The following SHISA6 variants were observed in gnomAD, a reference collection of about 807,000 sequenced individuals.
SHISA6 encodes the protein shisa family member 6, also known as protein shisa-6.
Under a neutral mutation model 47.9 loss-of-function variants are expected in SHISA6, and 22 were observed. The observed-to-expected ratio is 0.46, with a 90% CI of 0.33 to 0.66. SHISA6 has a LOEUF of 0.66. SHISA6 is among the 30% of genes least tolerant of loss of function. The pLI is 0.02. For missense variants in SHISA6, 680 were observed against 764.6 expected (o/e 0.89, Z 1.30); for synonymous variants, 388 against 337.8 (o/e 1.15, Z -1.63).
chr17:11,459,080 G>A (rs1293387812), intron 3 of SHISA6, among the ~76,000 whole-genome samples: 3 of 151,644 alleles, frequency 2.0e-5, no homozygotes, highest in Admixed American at 6.6e-5. Context: ...TTAGCTGGGC[G>A]TGGTGGCAGG....
chr17:11,266,503 T>C (rs1908428411), intron 2 of SHISA6, among the ~76,000 whole-genome samples: 1 of 152,242 alleles, frequency 6.6e-6, no homozygotes, highest in African/African-American at 2.4e-5. Flanking sequence ...TTTTTGGCCC[T>C]GTCTCTTACT....
At chr17:11,262,044 A>G (rs993855979) in intron 1 of SHISA6, among the ~76,000 whole-genome samples, 1 of 152,170 alleles carries the variant, frequency 6.6e-6, no homozygotes, top group Admixed American at 6.5e-5. Flanking sequence ...AGTGTGATTT[A>G]CAGTTTTGGG....
At chr17:11,248,380 G>A (rs914762514) in intron 1 of SHISA6, among the ~76,000 whole-genome samples, 7 of 152,162 alleles carry the variant, frequency 4.6e-5, no homozygotes, top group African/African-American at 1.4e-4. Flanking sequence ...GAAATTCAGA[G>A]AGGCTAGGTC....
chr17:11,247,060 T>A (rs1907620653), intron 1 of SHISA6, among the ~76,000 whole-genome samples: 3 of 152,180 alleles, frequency 2.0e-5, no homozygotes, highest in African/African-American at 4.8e-5. Flanking sequence ...GTACCAAGTT[T>A]ACCCACTGTT....
chr17:11,397,667 T>C (rs1913620188), intron 3 of SHISA6, among the ~76,000 whole-genome samples: 1 of 149,888 alleles, frequency 6.7e-6, no homozygotes. Context: ...CCTTGCTTTC[T>C]ATGTTACTTT....
At chr17:11,277,270 TCTCTCTCTCTCACACACACA>T (rs775297986) in intron 2 of SHISA6, among the ~76,000 whole-genome samples, 20 of 113,984 alleles carry the variant, frequency 1.8e-4, no homozygotes, top group African/African-American at 3.0e-4. Flanking sequence ...TCTCTCTCTC[TCTCTCTCTCTCACACACACA>T]CACACACACA....
At chr17:11,287,816 A>G (rs554689738) in intron 2 of SHISA6, among the ~76,000 whole-genome samples, 5 of 148,956 alleles carry the variant, frequency 3.4e-5, no homozygotes, top group Non-Finnish European at 4.5e-5. Context: ...TATCACAAAT[A>G]TATTTACATA....
chr17:11,381,851 C>T (rs376312415), intron 3 of SHISA6, among the ~76,000 whole-genome samples: 3 of 152,168 alleles, frequency 2.0e-5, no homozygotes, highest in Admixed American at 6.5e-5. Flanking sequence ...CCCTCCTGTG[C>T]GTGCATTGCT....
intron 2 of SHISA6, among the ~76,000 whole-genome samples, chr17:11,267,414 G>T (rs1420267220): frequency 6.6e-6 from 1 of 152,122 alleles, no homozygotes; most frequent in Non-Finnish European, 1.5e-5. Context: ...AGTTGAAGAA[G>T]ACCTCTCTTA....
chr17:11,340,772 C>G (rs1040886648), intron 2 of SHISA6, among the ~76,000 whole-genome samples: 3 of 152,228 alleles, frequency 2.0e-5, no homozygotes, highest in African/African-American at 7.2e-5. Context: ...AGGCTGGGAT[C>G]ACAGACAGTT....
intron 3 of SHISA6, among the ~76,000 whole-genome samples, chr17:11,396,846 C>A (rs1027451421): frequency 1.3e-5 from 2 of 152,056 alleles, no homozygotes; most frequent in African/African-American, 4.8e-5. Context: ...CAACCTGGCA[C>A]GTGGATACCT....
intron 3 of SHISA6, among the ~76,000 whole-genome samples, chr17:11,532,128 A>T (rs1463352824): frequency 6.6e-6 from 1 of 152,188 alleles, no homozygotes; most frequent in Non-Finnish European, 1.5e-5. Context: ...GAGAAAATTG[A>T]AGCAGGAGAA....
At chr17:11,297,097 G>C (rs1909778275) in intron 2 of SHISA6, among the ~76,000 whole-genome samples, 1 of 152,054 alleles carries the variant, frequency 6.6e-6, no homozygotes, top group Non-Finnish European at 1.5e-5. Flanking sequence ...GTTTTGCTTG[G>C]AAAAGGAGTA....
intron 3 of SHISA6, among the ~76,000 whole-genome samples, chr17:11,545,893 A>G (rs2071879214): frequency 1.3e-5 from 2 of 152,202 alleles, no homozygotes; most frequent in African/African-American, 4.8e-5. Context: ...GCCAAAAGAA[A>G]GAGAGCCAGG....
chr17:11,501,128 T>TC lies in SHISA6; in HGVS notation c.896-50768_896-50767insC, dbSNP rs548960686. Among the ~76,000 whole-genome samples the TC allele has an allele frequency of 3.7e-4, 57 of 152,158 alleles. 2 individuals are homozygous for TC. In the South Asian group the frequency reaches 0.011, roughly 30 times the overall value. The stretch of plus-strand genomic sequence containing the variant: ...TGCTTCCAACACATTTTTTTTTTTT[T>TC]TGAGATGGAGTTTTGCTCTTGTTGC... On this transcript the variant is annotated intron_variant, in intron 3 of 5. Coordinates refer to ENST00000441885, the MANE Select transcript of SHISA6 (RefSeq NM_207386.4).
intron 2 of SHISA6, among the ~76,000 whole-genome samples, chr17:11,270,732 G>A (rs549790310): frequency 6.6e-6 from 1 of 152,312 alleles, no homozygotes; most frequent in Non-Finnish European, 1.5e-5. Context: ...GGTTTGGCCT[G>A]TGGGCTCTAG....
intron 2 of SHISA6, among the ~76,000 whole-genome samples, chr17:11,358,667 C>CTT (rs71142206): frequency 0.27 from 38,084 of 141,132 alleles, 5,335 homozygotes; most frequent in African/African-American, 0.37. Flanking sequence ...CCAGAATTTC[C>CTT]TTTTTTTTTT....
intron 3 of SHISA6, among the ~76,000 whole-genome samples, chr17:11,429,280 T>C (rs753241394): frequency 3.9e-5 from 6 of 151,988 alleles, no homozygotes; most frequent in Non-Finnish European, 8.8e-5. Context: ...GTAGAGAGAA[T>C]ACAAAAAAGA....
intron 3 of SHISA6, among the ~76,000 whole-genome samples, chr17:11,448,627 G>A (rs1915298618): frequency 6.6e-6 from 1 of 151,534 alleles, no homozygotes; most frequent in South Asian, 2.1e-4. Flanking sequence ...AGGAGTTGAA[G>A]ACCAGCCTGG....
Sources: allele counts gnomAD v4.1 joint callset (sites outside exome capture counted in the v4.1 genomes callset), GRCh38; gene constraint gnomAD v4.1.1; transcripts MANE v1.5; gene names NCBI Gene and HGNC (gene_info 2026-07-23, HGNC 2026-07-21).